The following IGFALS variants were observed in gnomAD, a reference collection of about 807,000 sequenced individuals.
IGFALS encodes insulin like growth factor binding protein acid labile subunit.
In IGFALS, 2 loss-of-function variants were observed where a neutral mutation model predicts 2.6. The observed-to-expected ratio is 0.77, with a 90% CI of 0.32 to 2.44. The LOEUF is 2.44. IGFALS is among the 30% of genes most tolerant of loss of function. The pLI is 0.11. For missense variants in IGFALS, 996 were observed against 848.7 expected, an observed-to-expected ratio of 1.17 and a Z score of -2.16; for synonymous variants, 519 against 431.9, an observed-to-expected ratio of 1.20 and a Z score of -2.50.
Position 1,791,125 on chromosome 16 carries a change from C to T in IGFALS, c.1293G>A (p.Trp431Ter), listed in dbSNP as rs1344337662. ...GLVGIEEQSL[W>*]GLAELLELDL... is the part of the protein sequence containing the mutation. ...CGAGCTCCAGCAGCTCCGCCAGCCC[C>T]CACAGGCTCTGCTCCTCAATGCCCA... Residue 431 changes from tryptophan to a stop codon, truncating the protein, a stop_gained, in exon 2 of 2, where the codon TGG (tryptophan) becomes TGA (stop). Coordinates refer to ENST00000215539, the MANE Select transcript of IGFALS (RefSeq NM_004970.3). LOFTEE classifies it low-confidence loss of function (END_TRUNC). The T allele has an allele frequency of 6.2e-7, 1 of 1,604,056 alleles. No homozygotes were observed. The highest frequency in any genetic ancestry group is 8.5e-7 in the Non-Finnish European group (1 of 1,179,642).
At position 1,792,374 on chromosome 16, in the gene IGFALS, A is replaced by C; in HGVS notation, c.44T>G (p.Leu15Arg). The change falls in exon 2 of 2, where the codon CTG becomes CGG. Residue 15 changes from leucine (L) to arginine (R), a missense_variant. Coordinates refer to ENST00000215539, the MANE Select transcript of IGFALS (RefSeq NM_004970.3). ...GCGGGGGCCCAGTGCCACCCAGGAC[A>C]GCAGCAGCAGCGCCAGGGCCAGGCC... is the stretch of plus-strand genomic sequence containing the variant. ...KGGLALALLL[L>R]SWVALGPRSL... 1 of 1,578,520 alleles carries C rather than the reference A, an allele frequency of 6.3e-7. No homozygotes were observed. The highest frequency in any genetic ancestry group is 1.1e-5 in the South Asian group (1 of 89,200).
upstream of IGFALS, chr16:1,794,707 T>C: frequency 1.6e-6 from 1 of 619,252 alleles, no homozygotes; most frequent in Non-Finnish European, 2.9e-6. Flanking sequence ...CAGTGGGGCC[T>C]GCCCACCAGT....
intron 1 of IGFALS, among the ~76,000 whole-genome samples, chr16:1,792,824 G>A (rs1399606210): frequency 6.6e-6 from 1 of 152,252 alleles, no homozygotes; most frequent in Non-Finnish European, 1.5e-5. Flanking sequence ...TTCTGCAGCA[G>A]GTCTTGGTGG....
At position 1,792,180 on chromosome 16, in the gene IGFALS, ACAGGGCTTGGGTGCCGCC is replaced by A. The variant is rs770168960; in HGVS notation, c.220_237del (p.Gly74_Leu79del). 1.9e-6 allele frequency: 3 copies of A among 1,611,190 alleles called. No individual in the cohort carries two copies. The Admixed American group carries it at 5.0e-5, about 27-fold the overall frequency. ...GACGAGAGGTTGTTGCCGTCCAGCC[ACAGGGCTTGGGTGCCGCC>A]CGGGACTCCATCAGGCAGGCGCGTG... On this transcript the variant is annotated inframe_deletion, in exon 2 of 2. Coordinates refer to ENST00000215539, the MANE Select transcript of IGFALS (RefSeq NM_004970.3).
Position 1,790,972 on chromosome 16 carries a change from C to T in IGFALS, c.1446G>A (p.Gln482=). 1 of 1,597,202 alleles carries T rather than the reference C, an allele frequency of 6.3e-7. No individual in the cohort carries two copies. ...GCGAGACGTCCAGCCAGAAGGCCCGCTGCAGGGGGCCCAGGGCGTCCGCCG... is the reference window on the plus strand; with the variant it reads ...GCGAGACGTCCAGCCAGAAGGCCCGTTGCAGGGGGCCCAGGGCGTCCGCCG... ...ELPADALGPL[Q]RAFWLDVSHN... is the part of the protein sequence containing the mutation. The change falls in exon 2 of 2, where the codon CAG becomes CAA. Residue 482 remains glutamine (Q), a synonymous_variant. Transcript: ENST00000215539.
At position 1,791,429 on chromosome 16, in the gene IGFALS, G is replaced by A; in HGVS notation, c.989C>T (p.Ala330Val). Residue 330 changes from alanine (A) to valine (V), a missense_variant, in exon 2 of 2, where the codon GCT becomes GTT. By Grantham distance (64) the Ala-to-Val change is moderately conservative. Coordinates refer to ENST00000215539, the MANE Select transcript of IGFALS (RefSeq NM_004970.3). ...CCCCAGGCCCTCAAAGCTGCGCTCA[G>A]CCAGCTGCCGGATGCGGTTGTGGCC... ...QLGHNRIRQL[A>V]ERSFEGLGQL... 6.2e-7 allele frequency: 1 copy of A among 1,612,218 alleles called. No individual in the cohort carries two copies.
chr16:1,790,933 C>T lies in IGFALS; in HGVS notation c.1485G>A (p.Glu495=), dbSNP rs746584286. The T allele has an allele frequency of 3.1e-6, 5 of 1,593,246 alleles. No individual in the cohort carries two copies. The Admixed American group carries it at 6.8e-5, about 22-fold the overall frequency. The change falls in exon 2 of 2, where the codon GAG becomes GAA. Residue 495 remains glutamate, a synonymous_variant. Coordinates refer to ENST00000215539, the MANE Select transcript of IGFALS (RefSeq NM_004970.3). ...GTGCCAAGAGGCTGTTGGGCAATGCCTCCAGGCGGTTGTGCGAGACGTCCA... is the reference window on the plus strand; with the variant it reads ...GTGCCAAGAGGCTGTTGGGCAATGCTTCCAGGCGGTTGTGCGAGACGTCCA... ...FWLDVSHNRL[E]ALPNSLLAPL...
Position 1,790,699 on chromosome 16 carries a change from C to T in IGFALS, c.1719G>A (p.Pro573=), listed in dbSNP as rs897024097. Residue 573 remains proline, a synonymous_variant, in exon 2 of 2, where the codon CCG becomes CCA. Transcript: ENST00000215539. ...QAICEGDDCQ[P]PAYTYNNITC... is the part of the protein sequence containing the mutation. Reference sequence around the variant, plus strand: ...TGATGTTGTTGTAGGTGTACGCGGGCGGCTGGCAATCGTCCCCCTCACAGA... The same window carrying T: ...TGATGTTGTTGTAGGTGTACGCGGGTGGCTGGCAATCGTCCCCCTCACAGA... The T allele has an allele frequency of 1.3e-5, 21 of 1,608,108 alleles. No homozygotes were observed. The highest frequency in any genetic ancestry group is 6.7e-5 in the East Asian group (3 of 44,662).
At position 1,791,323 on chromosome 16, in the gene IGFALS, C is replaced by G. The variant is rs760574429; in HGVS notation, c.1095G>C (p.Ala365=). 6.2e-7 allele frequency: 1 copy of G among 1,608,536 alleles called. No individual in the cohort carries two copies. The change falls in exon 2 of 2, where the codon GCG becomes GCC. Residue 365 remains alanine (A), a synonymous_variant. Transcript: ENST00000215539. ...GACAGTTCCCAGAGAGGTTCATGAC[C>G]GCCACGTTGGTGAGGCCGAGGAAAG... ...AGAFLGLTNV[A]VMNLSGNCLR...
At position 1,792,270 on chromosome 16, in the gene IGFALS, C is replaced by T. The variant is rs144059303; in HGVS notation, c.148G>A (p.Asp50Asn). Residue 50 changes from aspartate (D) to asparagine (N), a missense_variant, in exon 2 of 2, where the codon GAT (aspartate) becomes AAT (asparagine). Physicochemically the swap from Asp to Asn is conservative, Grantham distance 23. Transcript: ENST00000215539. ...ACGCTGAGCTCATCCGCGTCGTCAT[C>T]GTAGCTGCAGACACAGGCGGCCGGG... is the stretch of plus-strand genomic sequence containing the variant. ...ACPAACVCSY[D>N]DDADELSVFC... 1.0e-5 allele frequency: 16 copies of T among 1,600,922 alleles called. No homozygotes were observed. The highest frequency in any genetic ancestry group is 5.3e-5 in the African/African-American group (4 of 75,046).
Position 1,791,532 on chromosome 16 carries a change from G to T in IGFALS, c.886C>A (p.Arg296=), listed in dbSNP as rs775874257. Residue 296 remains arginine (R), a synonymous_variant, in exon 2 of 2, where the codon CGG becomes AGG. Transcript: ENST00000215539. ...CTGGCGATGGCGTTGTGGGACAGCCGCAGCACACGCAGGCCCAGCAGACCG... is the reference window on the plus strand; with the variant it reads ...CTGGCGATGGCGTTGTGGGACAGCCTCAGCACACGCAGGCCCAGCAGACCG... ...FPGLLGLRVL[R]LSHNAIASLR... is the part of the protein sequence containing the mutation. 6 of 1,587,510 alleles carry T rather than the reference G, an allele frequency of 3.8e-6. No individual in the cohort carries two copies. The East Asian group carries it at 1.4e-4, about 37-fold the overall frequency.
At position 1,792,398 on chromosome 16, in the gene IGFALS, C is replaced by A. The variant is rs576156104; in HGVS notation, c.20G>T (p.Gly7Val). 13 of 1,565,448 alleles carry A rather than the reference C, an allele frequency of 8.3e-6. No homozygotes were observed. The African/African-American group carries it at 9.4e-5, about 11-fold the overall frequency. ...CAGCAGCAGCAGCGCCAGGGCCAGG[C>A]CTCCTGCGGGGGGAGAGGCTTGGGG... is the stretch of plus-strand genomic sequence containing the variant. MALRKG[G>V]LALALLLLSW... Residue 7 changes from glycine to valine, a missense_variant, in exon 2 of 2, where the codon GGC becomes GTC. Transcript: ENST00000215539.
chr16:1,790,984 C>A lies in IGFALS; in HGVS notation c.1434G>T (p.Leu478=). 1 of 1,597,276 alleles carries A rather than the reference C, an allele frequency of 6.3e-7. No homozygotes were observed. The highest frequency in any genetic ancestry group is 8.5e-7 in the Non-Finnish European group (1 of 1,179,344). The change falls in exon 2 of 2, where the codon CTG becomes CTT. Residue 478 remains leucine (L), a synonymous_variant. Coordinates refer to ENST00000215539, the MANE Select transcript of IGFALS (RefSeq NM_004970.3). ...GCCAGAAGGCCCGCTGCAGGGGGCC[C>A]AGGGCGTCCGCCGGCAGCTCTGCCA... ...NRLAELPADA[L]GPLQRAFWLD...
upstream of IGFALS, chr16:1,794,851 G>A (rs779651533): frequency 3.3e-5 from 23 of 702,164 alleles, no homozygotes; most frequent in Admixed American, 1.6e-4. Flanking sequence ...GGCAGGCCCC[G>A]TGCAGAGCTG....
At chr16:1,793,987 C>T (rs1002590326), upstream of IGFALS, among the ~76,000 whole-genome samples, 7 of 152,120 alleles carry the variant, frequency 4.6e-5, no homozygotes, top group Admixed American at 6.5e-5. Context: ...GGACCCCTTG[C>T]AGCAGCCTGG....
chr16:1,793,215 G>A (rs1596890170), intron 1 of IGFALS, among the ~76,000 whole-genome samples: 1 of 152,170 alleles, frequency 6.6e-6, no homozygotes, highest in African/African-American at 2.4e-5. Context: ...AGCCAGCTCT[G>A]GAGCTCAGCT....
At position 1,790,749 on chromosome 16, in the gene IGFALS, C is replaced by T; in HGVS notation, c.1669G>A (p.Ala557Thr). The change falls in exon 2 of 2, where the codon GCT (alanine) becomes ACT (threonine). Residue 557 changes from alanine to threonine, a missense_variant. By Grantham distance (58) the Ala-to-Thr change is moderately conservative. Transcript: ENST00000215539. ...ATGGCCTGGACGAAGCGGGGCACAG[C>T]ACTGGGGTTCTGCAGGGCGAAGTCC... is the stretch of plus-strand genomic sequence containing the variant. The part of the protein sequence containing the change: ...LRDFALQNPS[A>T]VPRFVQAICE... 2 of 1,602,632 alleles carry T rather than the reference C, an allele frequency of 1.2e-6. No individual in the cohort carries two copies. Among genetic ancestry groups the T allele is most frequent in the Non-Finnish European group, 1.7e-6 (2 of 1,175,642 alleles).
intron 1 of IGFALS, 109 bp downstream of exon 1, chr16:1,793,528 C>T: frequency 9.5e-7 from 1 of 1,049,854 alleles, no homozygotes; most frequent in Non-Finnish European, 1.4e-6. Flanking sequence ...ACCCCCAGAG[C>T]TGAGCCCCCC....
rs758520313 is a variant in IGFALS, at chr16:1,791,424, G to A, written c.994C>T (p.Arg332Cys). Residue 332 changes from arginine (R) to cysteine (C), a missense_variant, in exon 2 of 2, where the codon CGC becomes TGC. Arg to Cys is a radical substitution (Grantham distance 180). Transcript: ENST00000215539. ...AGCTGCCCCAGGCCCTCAAAGCTGCGCTCAGCCAGCTGCCGGATGCGGTTG... is the reference window on the plus strand; with the variant it reads ...AGCTGCCCCAGGCCCTCAAAGCTGCACTCAGCCAGCTGCCGGATGCGGTTG... Reference protein sequence around the residue: ...GHNRIRQLAERSFEGLGQLEV... With the variant: ...GHNRIRQLAECSFEGLGQLEV... 2.5e-6 allele frequency: 4 copies of A among 1,611,942 alleles called. No homozygotes were observed. The highest frequency in any genetic ancestry group is 1.7e-5 in the Admixed American group (1 of 59,998).
Sources: gnomAD v4.1 joint callset for allele counts (sites outside exome capture counted in the v4.1 genomes callset) on GRCh38, gnomAD v4.1.1 for gene constraint, MANE v1.5 for transcripts, NCBI Gene and HGNC (gene_info 2026-07-23, HGNC 2026-07-21) for gene names.